PTPRD: variants seen among roughly 807,000 people sequenced by gnomAD.
PTPRD encodes the protein protein tyrosine phosphatase receptor type D.
Under a neutral mutation model 214.5 loss-of-function variants are expected in PTPRD, and 34 were observed. The observed-to-expected ratio is 0.16, with a 90% CI of 0.12 to 0.21. The LOEUF is 0.21. Among genes scored for constraint, PTPRD ranks in the 10% least tolerant of loss-of-function variants. PTPRD has a pLI of 1.00. For synonymous variants in PTPRD, 1,128 were observed against 845.7 expected, an observed-to-expected ratio of 1.33 and a Z score of -5.79; for missense variants, 2,545 against 2,398.7, an observed-to-expected ratio of 1.06 and a Z score of -1.27.
At chr9:10,086,826 G>C (rs2098346781) in intron 3 of PTPRD, among the ~76,000 whole-genome samples, 1 of 151,686 alleles carries the variant, frequency 6.6e-6, no homozygotes, top group Admixed American at 6.6e-5. Context: ...TCAAATCTCT[G>C]CTCCACTATT....
intron 4 of PTPRD, among the ~76,000 whole-genome samples, chr9:10,024,571 C>T (rs928243779): frequency 2.0e-5 from 3 of 152,154 alleles, no homozygotes; most frequent in African/African-American, 7.2e-5. Context: ...ACTCCTTACA[C>T]ATTTCCAATT....
intron 10 of PTPRD, among the ~76,000 whole-genome samples, chr9:9,094,473 G>A (rs2099780671): frequency 6.6e-6 from 1 of 152,090 alleles, no homozygotes; most frequent in Non-Finnish European, 1.5e-5. Flanking sequence ...AAGCTAGGAG[G>A]ACACAAAGGC....
intron 2 of PTPRD, among the ~76,000 whole-genome samples, chr9:10,608,091 T>C (rs1031376123): frequency 6.6e-6 from 1 of 152,004 alleles, no homozygotes; most frequent in African/African-American, 2.4e-5. Flanking sequence ...TTTTCTATGG[T>C]TCTTTCTAGC....
chr9:9,637,259 A>C (rs1051855743), intron 7 of PTPRD, among the ~76,000 whole-genome samples: 7 of 152,202 alleles, frequency 4.6e-5, no homozygotes, highest in African/African-American at 1.7e-4. Context: ...ACTCTAGCAT[A>C]AACTCAATAG....
At chr9:8,919,831 C>A (rs377384156) in intron 11 of PTPRD, among the ~76,000 whole-genome samples, 6 of 123,176 alleles carry the variant, frequency 4.9e-5, no homozygotes, top group Middle Eastern at 7.7e-3. Context: ...CCCATACATG[C>A]ATACATACGT....
chr9:10,271,169 G>A (rs548114396), intron 3 of PTPRD, among the ~76,000 whole-genome samples: 43 of 151,980 alleles, frequency 2.8e-4, no homozygotes, highest in Non-Finnish European at 1.3e-4. Context: ...GAGATAAAAA[G>A]TGAGCCATAT....
At chr9:10,364,435 C>G (rs2097472568) in intron 2 of PTPRD, among the ~76,000 whole-genome samples, 2 of 152,234 alleles carry the variant, frequency 1.3e-5, no homozygotes, top group South Asian at 4.1e-4. Flanking sequence ...CCTGACTTCA[C>G]CACTATACAA....
chr9:9,033,572 G>C (rs1272863176), intron 10 of PTPRD, among the ~76,000 whole-genome samples: 4 of 152,024 alleles, frequency 2.6e-5, no homozygotes, highest in African/African-American at 9.7e-5. Context: ...AATATCTTTT[G>C]GAAAATACTA....
chr9:9,802,320 C>T (rs2099046113), intron 5 of PTPRD, among the ~76,000 whole-genome samples: 1 of 151,824 alleles, frequency 6.6e-6, no homozygotes, highest in Non-Finnish European at 1.5e-5. Flanking sequence ...ATTTTGTATT[C>T]TTAGCAATTG....
intron 9 of PTPRD, among the ~76,000 whole-genome samples, chr9:9,285,912 G>A (rs1949205594): frequency 1.3e-5 from 2 of 151,586 alleles, no homozygotes; most frequent in African/African-American, 4.8e-5. Context: ...GTAAATTAGT[G>A]TATCTTCTCA....
chr9:9,869,032 G>T (rs2064755927), intron 5 of PTPRD, among the ~76,000 whole-genome samples: 1 of 152,104 alleles, frequency 6.6e-6, no homozygotes, highest in Non-Finnish European at 1.5e-5. Flanking sequence ...TGAGAATATG[G>T]TATAATTAAA....
intron 11 of PTPRD, among the ~76,000 whole-genome samples, chr9:8,873,291 C>T (rs748318254): frequency 5.3e-5 from 8 of 152,228 alleles, no homozygotes; most frequent in Non-Finnish European, 1.2e-4. Context: ...ACTACCCCTT[C>T]ATCTCTATCC....
intron 3 of PTPRD, among the ~76,000 whole-genome samples, chr9:10,234,308 T>C (rs538650333): frequency 1.3e-5 from 2 of 152,014 alleles, no homozygotes; most frequent in African/African-American, 4.8e-5. Context: ...AATAGACCTA[T>C]TAAGAAGACT....
intron 11 of PTPRD, among the ~76,000 whole-genome samples, chr9:8,921,055 C>G (rs1047010302): frequency 1.3e-5 from 2 of 152,160 alleles, no homozygotes; most frequent in African/African-American, 4.8e-5. Context: ...CTCTGGCAAT[C>G]CGCGCGCCTC....
In PTPRD at chr9:8,607,597, T is replaced by C. The variant is rs146998503; in HGVS notation, c.352+25720A>G. On this transcript the variant is annotated intron_variant, in intron 14 of 45. Coordinates refer to ENST00000381196, the MANE Select transcript of PTPRD (RefSeq NM_002839.4). Reference sequence around the variant, plus strand: ...GGGAGAAGTTGCACTGAGCCAAGACTGCGCCACTGCACTCCAGCCTGGGAG... The same window carrying C: ...GGGAGAAGTTGCACTGAGCCAAGACCGCGCCACTGCACTCCAGCCTGGGAG... 3.8e-3 allele frequency among the ~76,000 whole-genome samples: 577 copies of C among 152,156 alleles called. 10 individuals are homozygous for C. The highest frequency in any genetic ancestry group is 0.013 in the African/African-American group (560 of 41,530).
chr9:9,080,283 T>A (rs911391346), intron 10 of PTPRD, among the ~76,000 whole-genome samples: 8 of 152,068 alleles, frequency 5.3e-5, no homozygotes, highest in African/African-American at 1.9e-4. Context: ...TCTGCCAATT[T>A]ACCATGTTGC....
At chr9:10,008,707 G>T (rs2096538589) in intron 4 of PTPRD, among the ~76,000 whole-genome samples, 1 of 151,912 alleles carries the variant, frequency 6.6e-6, no homozygotes, top group South Asian at 2.1e-4. Context: ...AGGATGGACA[G>T]CCTATAGGCT....
At chr9:9,102,414 C>T (rs1166420639) in intron 10 of PTPRD, among the ~76,000 whole-genome samples, 3 of 152,154 alleles carry the variant, frequency 2.0e-5, no homozygotes, top group Admixed American at 6.5e-5. Context: ...AATCACGCTG[C>T]GGGAACTGTG....
intron 11 of PTPRD, among the ~76,000 whole-genome samples, chr9:8,808,003 G>T (rs941582363): frequency 2.0e-5 from 3 of 152,138 alleles, no homozygotes; most frequent in African/African-American, 7.2e-5. Flanking sequence ...ACTGCTTGGG[G>T]ACATGTATGC....
Sources: gnomAD v4.1 joint callset for allele counts (sites outside exome capture counted in the v4.1 genomes callset) on GRCh38, gnomAD v4.1.1 for gene constraint, MANE v1.5 for transcripts, NCBI Gene and HGNC (gene_info 2026-07-23, HGNC 2026-07-21) for gene names.